Variants in DIAPH2 observed in about 807,000 individuals in gnomAD.
DIAPH2 encodes diaphanous related formin 2, also known as protein diaphanous homolog 2.
DIAPH2 carries 35 observed loss-of-function variants against 92.7 expected under a neutral mutation model. The ratio of observed to expected loss-of-function variants is 0.38; its 90% CI spans 0.29 to 0.50. The LOEUF (loss-of-function observed/expected upper bound fraction) is 0.50. Ranked by LOEUF, DIAPH2 falls within the 20% of genes least tolerant of loss-of-function variation. The pLI is 0.94. For missense variants in DIAPH2, 701 were observed against 819.5 expected, an observed-to-expected ratio of 0.86 and a Z score of 1.77; for synonymous variants, 301 against 280.4, an observed-to-expected ratio of 1.07 and a Z score of -0.73.
At chrX:96,830,257 A>G (rs1352040781) in intron 4 of DIAPH2, among the ~76,000 whole-genome samples, 1 of 111,638 alleles carries the variant, frequency 9.0e-6, no homozygotes, top group Non-Finnish European at 1.9e-5. Flanking sequence ...TTATCTTAAT[A>G]TACAAAGATT....
chrX:97,368,535 C>T (rs1373560595), intron 24 of DIAPH2, among the ~76,000 whole-genome samples: 1 of 111,706 alleles, frequency 9.0e-6, no homozygotes, highest in Non-Finnish European at 1.9e-5. Flanking sequence ...TAGCAAAACA[C>T]ATGGCCAAGT....
At chrX:96,718,542 TG>T (rs2147546047) in intron 1 of DIAPH2, among the ~76,000 whole-genome samples, 1 of 107,833 alleles carries the variant, frequency 9.3e-6, no homozygotes, top group South Asian at 4.2e-4. Flanking sequence ...TTAGTAAAGA[TG>T]GGGTTTCACC....
At chrX:96,848,426 A>G (rs779141573) in intron 4 of DIAPH2, among the ~76,000 whole-genome samples, 4 of 112,129 alleles carry the variant, frequency 3.6e-5, no homozygotes, top group Non-Finnish European at 5.6e-5. Flanking sequence ...ATGCAAGTTG[A>G]CATATGGGAA....
intron 26 of DIAPH2, among the ~76,000 whole-genome samples, chrX:97,569,847 G>A (rs1310237186): frequency 9.5e-6 from 1 of 105,672 alleles, no homozygotes; most frequent in African/African-American, 3.4e-5. Flanking sequence ...ATGGTTATGT[G>A]GTTCATTACG....
chrX:96,999,070 T>G lies in DIAPH2; in HGVS notation c.2050+33863T>G, dbSNP rs746703869. Among the ~76,000 whole-genome samples the G allele has an allele frequency of 7.1e-5, 8 of 111,898 alleles. No individual in the cohort carries two copies. The South Asian group carries it at 3.0e-3, about 41-fold the overall frequency. On this transcript the variant is annotated intron_variant, in intron 17 of 26. Coordinates refer to ENST00000324765, the MANE Select transcript of DIAPH2 (RefSeq NM_006729.5). ...CTTCAGGGACTGTGACCTACACCTT[T>G]GACAATTTTGACAGTATTACTACCT...
intron 22 of DIAPH2, among the ~76,000 whole-genome samples, chrX:97,145,327 T>C (rs1243797886): frequency 9.3e-6 from 1 of 107,954 alleles, no homozygotes; most frequent in East Asian, 2.9e-4. Flanking sequence ...GTAGTAGTGG[T>C]AGTAGTAGTA....
chrX:97,388,187 G>A (rs749185800), intron 25 of DIAPH2, among the ~76,000 whole-genome samples: 4 of 111,299 alleles, frequency 3.6e-5, no homozygotes, highest in Non-Finnish European at 5.7e-5. Context: ...AAGAGTCTAC[G>A]GTAGGATCTG....
intron 26 of DIAPH2, among the ~76,000 whole-genome samples, chrX:97,562,010 G>A (rs770181459): frequency 7.1e-5 from 8 of 111,999 alleles, no homozygotes; most frequent in African/African-American, 2.3e-4. Flanking sequence ...ATTTGAAAGA[G>A]GGTCTATCTG....
chrX:97,576,960 A>T (rs1938455860), intron 26 of DIAPH2, among the ~76,000 whole-genome samples: 1 of 111,890 alleles, frequency 8.9e-6, no homozygotes, highest in Admixed American at 9.5e-5. Context: ...AGGGCATCTC[A>T]GAATAAGATT....
intron 1 of DIAPH2, among the ~76,000 whole-genome samples, chrX:96,727,435 A>G (rs746893996): frequency 1.2e-3 from 132 of 111,445 alleles, no homozygotes; most frequent in Non-Finnish European, 2.2e-3. Flanking sequence ...TACATATTCA[A>G]AATTTAATAC....
At chrX:97,450,982 A>G (rs748417187) in intron 26 of DIAPH2, among the ~76,000 whole-genome samples, 155 of 109,557 alleles carry the variant, frequency 1.4e-3, no homozygotes, top group Middle Eastern at 4.7e-3. Flanking sequence ...CAAACCACCC[A>G]AAAAAGAGCA....
chrX:96,957,956 A>T lies in DIAPH2; in HGVS notation c.1743A>T (p.Pro581=), dbSNP rs1569435393. ...GAGGAGCTCCTCTTCCTCCTCCACC[A>T]CCTCCTTTACCTGGAATGATGGGGA... is the stretch of plus-strand genomic sequence containing the variant. ...LPGGAPLPPP[P]PPLPGMMGIP... is the part of the protein sequence containing the mutation. The change falls in exon 16 of 27, where the codon CCA becomes CCT. Residue 581 remains proline, a synonymous_variant. Coordinates refer to ENST00000324765, the MANE Select transcript of DIAPH2 (RefSeq NM_006729.5). The T allele has an allele frequency of 8.3e-7, 1 of 1,207,464 alleles. No individual in the cohort carries two copies. Among genetic ancestry groups the T allele is most frequent in the Non-Finnish European group, 1.1e-6 (1 of 893,981 alleles).
intron 1 of DIAPH2, among the ~76,000 whole-genome samples, chrX:96,728,232 C>T (rs773820952): frequency 9.4e-6 from 1 of 106,490 alleles, no homozygotes; most frequent in African/African-American, 3.4e-5. Flanking sequence ...TTTGGTTTGA[C>T]GGAGTCCCAC....
intron 1 of DIAPH2, among the ~76,000 whole-genome samples, chrX:96,731,246 A>G (rs1422660363): frequency 9.0e-6 from 1 of 111,170 alleles, no homozygotes; most frequent in African/African-American, 3.3e-5. Context: ...AAACAGATGC[A>G]TAGTAGATGC....
chrX:97,070,609 T>C (rs2066663235), intron 17 of DIAPH2, among the ~76,000 whole-genome samples: 1 of 111,921 alleles, frequency 8.9e-6, no homozygotes, highest in Non-Finnish European at 1.9e-5. Context: ...TGGTCTGTAA[T>C]TATTTATCAT....
At chrX:97,415,532 G>T (rs2069934359) in intron 25 of DIAPH2, among the ~76,000 whole-genome samples, 1 of 111,368 alleles carries the variant, frequency 9.0e-6, no homozygotes, top group Non-Finnish European at 1.9e-5. Flanking sequence ...CATAAAAAAC[G>T]ATGAGTTCTT....
chrX:97,558,307 C>T (rs927793506), intron 26 of DIAPH2, among the ~76,000 whole-genome samples: 1 of 111,880 alleles, frequency 8.9e-6, no homozygotes, highest in African/African-American at 3.3e-5. Context: ...ATTTAGCTTG[C>T]GAACTTTGAA....
intron 4 of DIAPH2, among the ~76,000 whole-genome samples, chrX:96,841,939 G>A (rs2064939473): frequency 9.0e-6 from 1 of 111,434 alleles, no homozygotes; most frequent in South Asian, 3.8e-4. Flanking sequence ...TCTCTTGTGG[G>A]CAGGGGCGGG....
intron 25 of DIAPH2, among the ~76,000 whole-genome samples, chrX:97,421,276 T>C (rs2070005458): frequency 8.9e-6 from 1 of 112,226 alleles, no homozygotes; most frequent in Admixed American, 9.5e-5. Context: ...GTCTTTATTA[T>C]CTCCTATTGT....
Sources: gnomAD v4.1 joint callset for allele counts (sites outside exome capture counted in the v4.1 genomes callset) on GRCh38, gnomAD v4.1.1 for gene constraint, MANE v1.5 for transcripts, NCBI Gene and HGNC (gene_info 2026-07-23, HGNC 2026-07-21) for gene names.